The following ZNF181 variants were observed in gnomAD, a reference collection of about 807,000 sequenced individuals.
ZNF181 encodes zinc finger protein 181, also known as zinc finger protein 181 (HHZ181).
In ZNF181, 8 loss-of-function variants were observed where a neutral mutation model predicts 11.9. The ratio of observed to expected loss-of-function variants is 0.67; its 90% confidence interval spans 0.39 to 1.21. The LOEUF (loss-of-function observed/expected upper bound fraction) is 1.21, where lower values mean the gene tolerates loss of function less well. Ranked by LOEUF, ZNF181 falls within the 50% of genes most tolerant of loss-of-function variation. The pLI, the probability that ZNF181 is intolerant of heterozygous loss-of-function variation, is 0.01. For missense variants in ZNF181, 542 were observed against 670.9 expected (o/e 0.81, Z 2.12); for synonymous variants, 202 against 221.1 (o/e 0.91, Z 0.77).
Position 34,740,870 on chromosome 19 carries a change from C to CT in ZNF181, c.492dup (p.His165SerfsTer8). ...ACAAATACAATATATTTAGAAGCACCTTTCATTCAAAGTCTACTCTTTCTG... is the reference window on the plus strand; with the variant it reads ...ACAAATACAATATATTTAGAAGCACCTTTTCATTCAAAGTCTACTCTTTCTG... On this transcript the variant is annotated frameshift_variant, in exon 4 of 4. Transcript: ENST00000492450. LOFTEE classifies it low-confidence loss of function (END_TRUNC). The CT allele has an allele frequency of 6.2e-7, 1 of 1,613,940 alleles. No homozygotes were observed. The highest frequency in any genetic ancestry group is 8.5e-7 in the Non-Finnish European group (1 of 1,179,958).
chr19:34,741,160 C>T lies in ZNF181; in HGVS notation c.779C>T (p.Thr260Ile). Residue 260 changes from threonine to isoleucine, a missense_variant, in exon 4 of 4, where the codon ACA (threonine) becomes ATA (isoleucine). Thr to Ile is a moderately conservative substitution (Grantham distance 89, BLOSUM62 -1). Transcript: ENST00000492450. Reference sequence around the variant, plus strand: ...CTCAATCGCCACTGGAGAATTCATACAGGAGAGAAGCCCTATGAATGTCGT... The same window carrying T: ...CTCAATCGCCACTGGAGAATTCATATAGGAGAGAAGCCCTATGAATGTCGT... ...SILNRHWRIH[T>I]GEKPYECREC... is the part of the protein sequence containing the mutation. 1 of 1,614,100 alleles carries T rather than the reference C, an allele frequency of 6.2e-7. No individual in the cohort carries two copies. The highest frequency in any genetic ancestry group is 8.5e-7 in the Non-Finnish European group (1 of 1,179,972).
chr19:34,735,914 A>C (rs2145413266), intron 1 of ZNF181, among the ~76,000 whole-genome samples: 1 of 152,226 alleles, frequency 6.6e-6, no homozygotes, highest in Non-Finnish European at 1.5e-5. Context: ...AATCGCAGTC[A>C]CCTTCCCTCG....
Position 34,734,912 on chromosome 19 carries a change from G to T in ZNF181, c.-126G>T, listed in dbSNP as rs2068864630. On this transcript the variant is annotated 5_prime_UTR_variant, in exon 1 of 4. Transcript: ENST00000492450. ...CTTTCCATTATGGTGTGTCACAGGT[G>T]CCGCAAGATAAGCCTGATTTTTCAT... 1.1e-6 allele frequency: 1 copy of T among 929,538 alleles called. No homozygotes were observed. The allele number at this position is 929,538 out of a possible 1,614,324, so 57.6% of individuals were successfully genotyped here. A position where few individuals can be genotyped will look rare whatever the true frequency, so the allele number is the denominator to read the frequency against.
Position 34,741,264 on chromosome 19 carries a change from T to C in ZNF181, c.883T>C (p.Cys295Arg). ...CCATAGTGGAGAGAAACCTTACAAATGTATTGAATGTGGGAAGGCCTTTAG... is the reference window on the plus strand; with the variant it reads ...CCATAGTGGAGAGAAACCTTACAAACGTATTGAATGTGGGAAGGCCTTTAG... ...ISHSGEKPYK[C>R]IECGKAFSHV... is the part of the protein sequence containing the mutation. Residue 295 changes from cysteine (C) to arginine (R), a missense_variant, in exon 4 of 4, where the codon TGT (cysteine) becomes CGT (arginine). Cys to Arg is a radical substitution (Grantham distance 180). Coordinates refer to ENST00000492450, the MANE Select transcript of ZNF181 (RefSeq NM_001029997.4). 1 of 1,613,928 alleles carries C rather than the reference T, an allele frequency of 6.2e-7. No individual in the cohort carries two copies. Among genetic ancestry groups the C allele is most frequent in the Non-Finnish European group, 8.5e-7 (1 of 1,179,852 alleles).
At chr19:34,738,228 C>G (rs141148638) in intron 1 of ZNF181, among the ~76,000 whole-genome samples, 34 of 152,256 alleles carry the variant, frequency 2.2e-4, no homozygotes, top group African/African-American at 8.2e-4. Context: ...GGTTTTGGAG[C>G]CTGGGAAGTC....
In ZNF181 at chr19:34,742,680, TC is replaced by T. The variant is rs2068998086; in HGVS notation, c.*584del. The stretch of plus-strand genomic sequence containing the variant: ...TAAACATTATAATAAAATATGCATT[TC>T]TTAGAGCAGTAGCTTGCAGTTTCAG... On this transcript the variant is annotated 3_prime_UTR_variant, in exon 4 of 4. Coordinates refer to ENST00000492450, the MANE Select transcript of ZNF181 (RefSeq NM_001029997.4). The T allele has an allele frequency of 1.3e-5, 2 of 152,232 alleles. No homozygotes were observed. The highest frequency in any genetic ancestry group is 6.5e-5 in the Admixed American group (1 of 15,282). The allele number at this position is 152,232 out of a possible 1,614,324, so 9.4% of individuals were successfully genotyped here. A position where few individuals can be genotyped will look rare whatever the true frequency, so the allele number is the denominator to read the frequency against.
At position 34,745,175 on chromosome 19, in the gene ZNF181, G is replaced by A. The variant is rs1455463972; in HGVS notation, c.*3078G>A. 3.3e-5 allele frequency: 5 copies of A among 152,080 alleles called. No individual in the cohort carries two copies. The highest frequency in any genetic ancestry group is 6.5e-5 in the Admixed American group (1 of 15,278). The allele number at this position is 152,080 out of a possible 1,614,324, so 9.4% of individuals were successfully genotyped here. The stretch of plus-strand genomic sequence containing the variant: ...ACCATTTCTTGAGCATCCACTATGG[G>A]CTTAATAGATAAGAAACACTCCATA... On this transcript the variant is annotated 3_prime_UTR_variant, in exon 4 of 4. Coordinates refer to ENST00000492450, the MANE Select transcript of ZNF181 (RefSeq NM_001029997.4).
At position 34,736,164 on chromosome 19, in the gene ZNF181, G is replaced by A. The variant is rs1429403930; in HGVS notation, c.9+1118G>A. 5 of 703,008 alleles carry A rather than the reference G, an allele frequency of 7.1e-6. No individual in the cohort carries two copies. The South Asian group carries it at 7.4e-5, about 10-fold the overall frequency. 43.5% of individuals were successfully genotyped at this position (703,008 alleles called of 1,614,324 possible). ...AGATGAGTAATGACGAACTGGTGGGGCAGAATCATGGCATGGAAGGTGAAG... is the reference window on the plus strand; with the variant it reads ...AGATGAGTAATGACGAACTGGTGGGACAGAATCATGGCATGGAAGGTGAAG... On this transcript the variant is annotated intron_variant, in intron 1 of 3. Transcript: ENST00000492450.
intron 1 of ZNF181, chr19:34,736,212 T>A: frequency 2.9e-6 from 2 of 701,036 alleles, no homozygotes. Flanking sequence ...GGGATGTGAG[T>A]AGCAGATGTA....
chr19:34,737,931 TC>T, intron 1 of ZNF181, among the ~76,000 whole-genome samples: 1 of 152,294 alleles, frequency 6.6e-6, no homozygotes, highest in East Asian at 1.9e-4. Flanking sequence ...GCCACTCATC[TC>T]CTGCTCTGTG....
Position 34,734,659 on chromosome 19 carries a change from T to C in ZNF181, c.-379T>C, listed in dbSNP as rs1292539677. 2 of 233,926 alleles carry C rather than the reference T, an allele frequency of 8.5e-6. No individual in the cohort carries two copies. Among genetic ancestry groups the C allele is most frequent in the Non-Finnish European group, 8.4e-6 (1 of 119,748 alleles). 14.5% of individuals were successfully genotyped at this position (233,926 alleles called of 1,614,324 possible). ...GTTCAGTATCTTGGAATTTCAGTTT[T>C]GTCATCGTTTAAAAAATAGATCTGG... On this transcript the variant is annotated 5_prime_UTR_variant, in exon 1 of 4. Transcript: ENST00000492450.
chr19:34,737,720 T>A (rs1191723145), intron 1 of ZNF181, among the ~76,000 whole-genome samples: 1 of 152,210 alleles, frequency 6.6e-6, no homozygotes, highest in Non-Finnish European at 1.5e-5. Context: ...AGACAGTTTT[T>A]CCACAGAAGC....
At position 34,741,438 on chromosome 19, in the gene ZNF181, A is replaced by G. The variant is rs1568485552; in HGVS notation, c.1057A>G (p.Ile353Val). ...HTQEKLYECR[I>V]CGKAFIHRSS... ...TCAAGAAAAACTCTATGAGTGTCGT[A>G]TATGTGGAAAGGCCTTCATTCATAG... Residue 353 changes from isoleucine to valine, a missense_variant, in exon 4 of 4, where the codon ATA becomes GTA. Ile to Val is a conservative substitution (Grantham distance 29, BLOSUM62 3). Coordinates refer to ENST00000492450, the MANE Select transcript of ZNF181 (RefSeq NM_001029997.4). 1.2e-6 allele frequency: 2 copies of G among 1,613,936 alleles called. No homozygotes were observed. The highest frequency in any genetic ancestry group is 1.7e-6 in the Non-Finnish European group (2 of 1,179,900).
Position 34,743,585 on chromosome 19 carries a change from A to C in ZNF181, c.*1488A>C, listed in dbSNP as rs2069009245. 1 of 152,258 alleles carries C rather than the reference A, an allele frequency of 6.6e-6. No homozygotes were observed. Among genetic ancestry groups the C allele is most frequent in the Admixed American group, 6.5e-5 (1 of 15,288 alleles). 9.4% of individuals were successfully genotyped at this position (152,258 alleles called of 1,614,324 possible). A position where few individuals can be genotyped will look rare whatever the true frequency, so the allele number is the denominator to read the frequency against. On this transcript the variant is annotated 3_prime_UTR_variant, in exon 4 of 4. Coordinates refer to ENST00000492450, the MANE Select transcript of ZNF181 (RefSeq NM_001029997.4). ...GTAAAGCAGACAGTCGAGTTCTGTC[A>C]TACTTGCTGCAGCTGGATTCCACGT...
chr19:34,740,084 A>G (rs2145422847), intron 3 of ZNF181, among the ~76,000 whole-genome samples: 1 of 152,342 alleles, frequency 6.6e-6, no homozygotes, highest in East Asian at 1.9e-4. Context: ...CCAATAAATG[A>G]CATGATTCAC....
chr19:34,741,089 C>T lies in ZNF181; in HGVS notation c.708C>T (p.Ile236=), dbSNP rs779489809. 1 of 1,614,166 alleles carries T rather than the reference C, an allele frequency of 6.2e-7. No individual in the cohort carries two copies. Among genetic ancestry groups the T allele is most frequent in the East Asian group, 2.2e-5 (1 of 44,878 alleles). The part of the protein sequence containing the change: ...TLPQTCNREK[I]YTCSECGKAF... Reference sequence around the variant, plus strand: ...CCCAGACTTGTAATAGAGAGAAAATCTATACATGCAGTGAATGTGGGAAAG... The same window carrying T: ...CCCAGACTTGTAATAGAGAGAAAATTTATACATGCAGTGAATGTGGGAAAG... Residue 236 remains isoleucine, a synonymous_variant, in exon 4 of 4, where the codon ATC becomes ATT. Coordinates refer to ENST00000492450, the MANE Select transcript of ZNF181 (RefSeq NM_001029997.4).
chr19:34,745,353 AATG>A lies in ZNF181; in HGVS notation c.*3259_*3261del, dbSNP rs2069023151. 1 of 152,192 alleles carries A rather than the reference AATG, an allele frequency of 6.6e-6. No individual in the cohort carries two copies. Among genetic ancestry groups the A allele is most frequent in the Non-Finnish European group, 1.5e-5 (1 of 68,044 alleles). 9.4% of individuals were successfully genotyped at this position (152,192 alleles called of 1,614,324 possible). ...CTTGCCTCAGTTTCTCCATCTGTAA[AATG>A]ATAATAAAGCTATCTCACAGCATTA... On this transcript the variant is annotated 3_prime_UTR_variant, in exon 4 of 4. Transcript: ENST00000492450.
intron 1 of ZNF181, among the ~76,000 whole-genome samples, chr19:34,738,200 T>C (rs899534922): frequency 2.0e-5 from 3 of 152,228 alleles, no homozygotes; most frequent in Admixed American, 6.5e-5. Flanking sequence ...GACTGAGTAA[T>C]AGAAATTGAC....
Position 34,743,107 on chromosome 19 carries a change from A to G in ZNF181, c.*1010A>G, listed in dbSNP as rs1044095660. 1 of 152,202 alleles carries G rather than the reference A, an allele frequency of 6.6e-6. No individual in the cohort carries two copies. The allele number at this position is 152,202 out of a possible 1,614,324, so 9.4% of individuals were successfully genotyped here. ...TATTACACAGCGATGGGATATAGGAATCCAGTAGTTCTGAGCTTTAGTGGT... is the reference window on the plus strand; with the variant it reads ...TATTACACAGCGATGGGATATAGGAGTCCAGTAGTTCTGAGCTTTAGTGGT... On this transcript the variant is annotated 3_prime_UTR_variant, in exon 4 of 4. Transcript: ENST00000492450.
Sources: gnomAD v4.1 joint callset for allele counts (sites outside exome capture counted in the v4.1 genomes callset) on GRCh38, gnomAD v4.1.1 for gene constraint, MANE v1.5 for transcripts, NCBI Gene and HGNC (gene_info 2026-07-23, HGNC 2026-07-21) for gene names.